Variants in MYCBP2 observed in about 807,000 individuals in gnomAD.
MYCBP2 encodes MYC binding protein 2, also known as E3 ubiquitin-protein ligase MYCBP2.
MYCBP2 carries 120 observed loss-of-function variants against 525.3 expected under a neutral mutation model. That is an observed-to-expected ratio of 0.23 (90% CI 0.20 to 0.27). MYCBP2 has a LOEUF of 0.27. Among genes scored for constraint, MYCBP2 ranks in the 10% least tolerant of loss-of-function variants. The pLI is 1.00. For missense variants in MYCBP2, 4,149 were observed against 5,657.1 expected, an observed-to-expected ratio of 0.73 and a Z score of 8.55; for synonymous variants, 1,894 against 1,955.8, an observed-to-expected ratio of 0.97 and a Z score of 0.83.
chr13:77,078,258 C>T (rs1004920197), intron 66 of MYCBP2, among the ~76,000 whole-genome samples: 4 of 152,108 alleles, frequency 2.6e-5, no homozygotes, highest in Non-Finnish European at 5.9e-5. Flanking sequence ...AGCAAGCAAG[C>T]GATTGGCCAA....
chr13:77,109,713 G>T (rs1403689581), intron 55 of MYCBP2: 1 of 152,214 alleles, frequency 6.6e-6, no homozygotes, highest in Non-Finnish European at 1.5e-5. Context: ...ACTTGTTGCG[G>T]AAAGTCAGAG....
In MYCBP2 at chr13:77,068,730, T is replaced by C. The variant is rs1393111022; in HGVS notation, c.12006A>G (p.Pro4002=). Residue 4002 remains proline (P), a synonymous_variant, in exon 70 of 83, where the codon CCA becomes CCG. Transcript: ENST00000544440. The part of the protein sequence containing the change: ...ISSKENANSQ[P]NDEDASSDAY... ...CATCAGAGGAGGCATCTTCATCATT[T>C]GGCTGAGAATTGGCATTTTCTTTGC... The C allele has an allele frequency of 6.2e-7, 1 of 1,614,116 alleles. No homozygotes were observed. The highest frequency in any genetic ancestry group is 8.5e-7 in the Non-Finnish European group (1 of 1,180,048).
intron 68 of MYCBP2, among the ~76,000 whole-genome samples, chr13:77,074,724 A>C (rs2041993939): frequency 6.6e-6 from 1 of 152,224 alleles, no homozygotes; most frequent in South Asian, 2.1e-4. Flanking sequence ...TAAATCTCAA[A>C]AGCATTACAC....
chr13:77,209,221 A>G (rs1354544993), intron 23 of MYCBP2, among the ~76,000 whole-genome samples: 1 of 152,204 alleles, frequency 6.6e-6, no homozygotes, highest in Non-Finnish European at 1.5e-5. Flanking sequence ...TGGAAAAGAC[A>G]AGGTTCAACC....
chr13:77,242,227 C>A (rs2154315531), intron 17 of MYCBP2, among the ~76,000 whole-genome samples: 1 of 152,262 alleles, frequency 6.6e-6, no homozygotes, highest in South Asian at 2.1e-4. Context: ...GATTCTCCTG[C>A]CTCAGTCTCC....
chr13:77,206,820 C>A lies in MYCBP2; in HGVS notation c.3422G>T (p.Arg1141Leu). ...ACACCACAGCTCTCTAGTATTTGGT[C>A]GAAACCTTTAAAGAAAAAGAATAAT... ...DPVYDVIWRF[R>L]PNTRELWCYN... The change falls in exon 24 of 83, where the codon CGA (arginine) becomes CTA (leucine). Residue 1141 changes from arginine to leucine, a missense_variant. By Grantham distance (102) the Arg-to-Leu change is moderately radical (BLOSUM62 -2). This residue lies in a region of MYCBP2 where 620 missense variants were observed against 795.5 expected (regional missense o/e 0.78). Transcript: ENST00000544440. 3 of 1,584,514 alleles carry A rather than the reference C, an allele frequency of 1.9e-6. No individual in the cohort carries two copies. Among genetic ancestry groups the A allele is most frequent in the South Asian group, 2.3e-5 (2 of 85,646 alleles).
chr13:77,103,699 T>C (rs1194289882), intron 55 of MYCBP2, among the ~76,000 whole-genome samples: 4 of 152,040 alleles, frequency 2.6e-5, no homozygotes, highest in Admixed American at 6.6e-5. Flanking sequence ...ATGTTACTTA[T>C]ATTACTTATA....
intron 68 of MYCBP2, among the ~76,000 whole-genome samples, chr13:77,072,594 A>T (rs1442214281): frequency 6.6e-6 from 1 of 152,186 alleles, no homozygotes; most frequent in Non-Finnish European, 1.5e-5. Flanking sequence ...AAATCAATGA[A>T]ACAAAAAGCT....
chr13:77,055,738 G>C lies in MYCBP2; in HGVS notation c.13467C>G (p.Asp4489Glu). 1 of 1,613,276 alleles carries C rather than the reference G, an allele frequency of 6.2e-7. No individual in the cohort carries two copies. The highest frequency in any genetic ancestry group is 8.5e-7 in the Non-Finnish European group (1 of 1,179,620). ...AGAGTTCTTTTATTGGATCAAGTAG[G>C]TCTTTTAGTACTATGTGATTAATTT... The part of the protein sequence containing the change: ...KNKINHIVLK[D>E]LLDPIKELYE... The change falls in exon 80 of 83, where the codon GAC (aspartate) becomes GAG (glutamate). Residue 4489 changes from aspartate to glutamate, a missense_variant. Coordinates refer to ENST00000544440, the MANE Select transcript of MYCBP2 (RefSeq NM_015057.5).
chr13:77,156,105 G>T lies in MYCBP2; in HGVS notation c.6868C>A (p.Gln2290Lys). Reference sequence around the variant, plus strand: ...ACATCCCCATACTGGTCTTTTGTTTGAACAGTTATGGTGGTAGGCCAACCA... The same window carrying T: ...ACATCCCCATACTGGTCTTTTGTTTTAACAGTTATGGTGGTAGGCCAACCA... ...RCGWPTTITVQTKDQYGDVVH... is the reference protein window; with the variant it reads ...RCGWPTTITVKTKDQYGDVVH... Residue 2290 changes from glutamine to lysine, a missense_variant, in exon 46 of 83, where the codon CAA becomes AAA. By Grantham distance (53) the Gln-to-Lys change is moderately conservative. This residue lies in a region of MYCBP2 where 692 missense variants were observed against 852.7 expected (regional missense o/e 0.81). Transcript: ENST00000544440. 6.2e-7 allele frequency: 1 copy of T among 1,613,892 alleles called. No individual in the cohort carries two copies.
At chr13:77,114,621 T>C (rs2049399344) in intron 55 of MYCBP2, among the ~76,000 whole-genome samples, 1 of 152,108 alleles carries the variant, frequency 6.6e-6, no homozygotes, top group Non-Finnish European at 1.5e-5. Context: ...CTTATGAGTA[T>C]AATAGAAAAA....
intron 15 of MYCBP2, among the ~76,000 whole-genome samples, chr13:77,250,157 A>C (rs1256189309): frequency 6.7e-6 from 1 of 150,252 alleles, no homozygotes; most frequent in East Asian, 2.0e-4. Flanking sequence ...CGGGAGGCGG[A>C]GCTTGCAGTG....
chr13:77,284,637 G>A (rs577222410), intron 3 of MYCBP2, among the ~76,000 whole-genome samples: 1 of 152,244 alleles, frequency 6.6e-6, no homozygotes, highest in East Asian at 1.9e-4. Context: ...TCATTTGCTT[G>A]CATAATTTTT....
chr13:77,296,535 G>A, intron 2 of MYCBP2, 64 bp downstream of exon 2: 3 of 1,488,010 alleles, frequency 2.0e-6, no homozygotes, highest in South Asian at 1.4e-5. Flanking sequence ...TTTTAATCTT[G>A]GCATTTTTAT....
At chr13:77,254,527 T>C (rs1012896213) in intron 14 of MYCBP2, among the ~76,000 whole-genome samples, 1 of 151,968 alleles carries the variant, frequency 6.6e-6, no homozygotes, top group African/African-American at 2.4e-5. Flanking sequence ...TACCTATTTA[T>C]GGCATATATG....
At chr13:77,247,735 A>T (rs1332035268) in intron 15 of MYCBP2, among the ~76,000 whole-genome samples, 1 of 152,214 alleles carries the variant, frequency 6.6e-6, no homozygotes, top group African/African-American at 2.4e-5. Flanking sequence ...AATGGGATAG[A>T]ATAGACAGCT....
chr13:77,079,009 G>T (rs1447841352), intron 65 of MYCBP2, 120 bp from the exon 66 acceptor site: 3 of 777,518 alleles, frequency 3.9e-6, no homozygotes, highest in Non-Finnish European at 4.3e-6. Context: ...GGTCCTTCCT[G>T]ATTGACCCCA....
chr13:77,139,157 G>A (rs1391114204), intron 52 of MYCBP2, 39 bp downstream of exon 52: 5 of 1,591,978 alleles, frequency 3.1e-6, no homozygotes, highest in Admixed American at 1.7e-5. Context: ...AACAAACAGC[G>A]TGTATCTATA....
At chr13:77,285,301 T>A (rs1222079199) in intron 3 of MYCBP2, among the ~76,000 whole-genome samples, 3 of 152,212 alleles carry the variant, frequency 2.0e-5, no homozygotes, top group African/African-American at 2.4e-5. Context: ...ACAGTGTGAC[T>A]CACACATACA....
Sources: gnomAD v4.1 joint callset for allele counts (sites outside exome capture counted in the v4.1 genomes callset) on GRCh38, gnomAD v4.1.1 for gene constraint, gnomAD v4.1.1 regional missense constraint, MANE v1.5 for transcripts, NCBI Gene and HGNC (gene_info 2026-07-23, HGNC 2026-07-21) for gene names.